DDX11: variants seen among roughly 807,000 people sequenced by gnomAD.
DDX11 encodes ATP-dependent DNA helicase DDX11.
In DDX11, 72 loss-of-function variants were observed where a neutral mutation model predicts 125.2. That is an observed-to-expected ratio of 0.58 (90% CI 0.48 to 0.70). The LOEUF is 0.70. DDX11 is among the 30% of genes least tolerant of loss of function. DDX11 has a pLI of 0.00. For missense variants in DDX11, 883 were observed against 1,165.0 expected (o/e 0.76, Z 3.52); for synonymous variants, 347 against 452.6 (o/e 0.77, Z 2.96).
At position 31,101,073 on chromosome 12, in the gene DDX11, C is replaced by G. The variant is rs764186175; in HGVS notation, c.1995C>G (p.Ser665Arg). ...PDNILPLVIC[S>R]GISNQPLEFT... ...ACATCCTGCCCCTCGTCATCTGCAG[C>G]GGGATCTCCAACCAGCCGCTGGAAT... Residue 665 changes from serine to arginine, a missense_variant, in exon 20 of 27, where the codon AGC (serine) becomes AGG (arginine). Physicochemically the swap from Ser to Arg is moderately radical, Grantham distance 110. This residue lies in a region of DDX11 where 285 missense variants were observed against 346.0 expected (regional missense o/e 0.82). Coordinates refer to ENST00000542838, the MANE Select transcript of DDX11 (RefSeq NM_030653.4). 1.9e-6 allele frequency: 3 copies of G among 1,614,138 alleles called. No homozygotes were observed. The highest frequency in any genetic ancestry group is 2.5e-6 in the Non-Finnish European group (3 of 1,179,994).
chr12:31,077,643 C>T (rs376137064), intron 1 of DDX11, among the ~76,000 whole-genome samples: 17 of 151,962 alleles, frequency 1.1e-4, no homozygotes, highest in South Asian at 2.1e-4. Flanking sequence ...GTCAGGAGAT[C>T]GAGACCATCC....
intron 20 of DDX11, 190 bp downstream of exon 20, chr12:31,101,320 G>T: frequency 1.6e-6 from 1 of 636,896 alleles, no homozygotes; most frequent in Non-Finnish European, 2.8e-6. Context: ...GAGCTTCCCC[G>T]CCCCTCACGC....
chr12:31,084,893 G>T, intron 4 of DDX11, 76 bp from the exon 5 acceptor site: 1 of 1,536,750 alleles, frequency 6.5e-7, no homozygotes, highest in Non-Finnish European at 8.8e-7. Flanking sequence ...GGTGTGCTTT[G>T]TCTCTGGCAT....
At position 31,104,468 on chromosome 12, in the gene DDX11, C is replaced by A. The variant is rs528723285; in HGVS notation, c.*632C>A. 15 of 195,608 alleles carry A rather than the reference C, an allele frequency of 7.7e-5. No homozygotes were observed. In the South Asian group the frequency reaches 1.7e-3, roughly 22 times the overall value. The allele number at this position is 195,608 out of a possible 1,614,324, so 12.1% of individuals were successfully genotyped here. On this transcript the variant is annotated 3_prime_UTR_variant, in exon 27 of 27. Transcript: ENST00000542838. ...AAGTCTATGGCACCTCCCTCCCTCTCAACCACTTGAGCAAACTCCAAGACA... is the reference window on the plus strand; with the variant it reads ...AAGTCTATGGCACCTCCCTCCCTCTAAACCACTTGAGCAAACTCCAAGACA...
chr12:31,103,994 C>T lies in DDX11; in HGVS notation c.*158C>T, dbSNP rs536300063. The T allele has an allele frequency of 5.1e-5, 79 of 1,561,412 alleles. No individual in the cohort carries two copies. In the African/African-American group the frequency reaches 9.0e-4, roughly 18 times the overall value. On this transcript the variant is annotated 3_prime_UTR_variant, in exon 27 of 27. Coordinates refer to ENST00000542838, the MANE Select transcript of DDX11 (RefSeq NM_030653.4). The stretch of plus-strand genomic sequence containing the variant: ...AGTGCTGCCAGGACCCAGGCACAGG[C>T]GTTAGCTCCCGTAGGAGAAAATGGG...
chr12:31,079,454 A>AG (rs1941406084), intron 2 of DDX11, among the ~76,000 whole-genome samples: 1 of 138,068 alleles, frequency 7.2e-6, no homozygotes, highest in Non-Finnish European at 1.5e-5. Flanking sequence ...GGTTCTGGGG[A>AG]GGGGGTCTCT....
At chr12:31,095,577 A>G (rs895642437) in intron 14 of DDX11, among the ~76,000 whole-genome samples, 1 of 152,092 alleles carries the variant, frequency 6.6e-6, no homozygotes, top group Non-Finnish European at 1.5e-5. Flanking sequence ...CATTTGGGTC[A>G]CTGTCACTGC....
chr12:31,088,079 C>G (rs528617984), intron 6 of DDX11, 96 bp downstream of exon 6: 1 of 1,544,512 alleles, frequency 6.5e-7, no homozygotes, highest in Non-Finnish European at 8.8e-7. Flanking sequence ...TACTTCTCAC[C>G]CTCCTCTCCA....
chr12:31,101,708 T>A (rs7952861), intron 20 of DDX11, 125 bp from the exon 21 acceptor site: 627,045 of 1,337,404 alleles, frequency 0.47, 149,326 homozygotes, highest in East Asian at 0.83. Flanking sequence ...CCAAGTCCTC[T>A]TCCTTGGCTG....
rs1467965765 is a variant in DDX11, at chr12:31,099,080, C to CTTTTTTTTTTTTTTTTT, written c.1875+1086_1875+1087insTTTTTTTTTTTTTTTTT. Among the ~76,000 whole-genome samples the CTTTTTTTTTTTTTTTTT allele has an allele frequency of 4.6e-3, 373 of 81,108 alleles. 39 individuals carry two copies. The highest frequency in any genetic ancestry group is 7.7e-3 in the East Asian group (18 of 2,348). The allele number at this position is 81,108 out of a possible 152,430, so 53.2% of individuals were successfully genotyped here. A position where few individuals can be genotyped will look rare whatever the true frequency, so the allele number is the denominator to read the frequency against. On this transcript the variant is annotated intron_variant, in intron 18 of 26. Coordinates refer to ENST00000542838, the MANE Select transcript of DDX11 (RefSeq NM_030653.4). Reference sequence around the variant, plus strand: ...AATCCATACTGGTATTTCTTTCTTTCTTTCTTTTTTTTTTTTTTTTTTTTT... The same window carrying CTTTTTTTTTTTTTTTTT: ...AATCCATACTGGTATTTCTTTCTTTCTTTTTTTTTTTTTTTTTTTTCTTTTTTTTTTTTTTTTTTTTT...
At chr12:31,103,229 G>C in intron 24 of DDX11, 88 bp from the exon 25 acceptor site, 2 of 1,556,018 alleles carry the variant, frequency 1.3e-6, no homozygotes, top group Non-Finnish European at 8.7e-7. Flanking sequence ...GAAGCCTCCT[G>C]GTCTGGCTCC....
At chr12:31,088,980 T>A in intron 6 of DDX11, 64 bp from the exon 7 acceptor site, 1 of 1,348,826 alleles carries the variant, frequency 7.4e-7, no homozygotes, top group Admixed American at 1.7e-5. Context: ...CGTGCCTTGA[T>A]GTTAGAGAAT....
chr12:31,096,650 C>G lies in DDX11; in HGVS notation c.1535C>G (p.Thr512Ser), dbSNP rs759207736. ...CATCCCACCCAGCTCTTTGGATTCA[C>G]TGAACGGTACGGAGCAGTGTTCTCA... The part of the protein sequence containing the change: ...SMISRKLFGF[T>S]ERYGAVFSSR... Residue 512 changes from threonine to serine, a missense_variant, in exon 16 of 27, where the codon ACT (threonine) becomes AGT (serine). Transcript: ENST00000542838. The G allele has an allele frequency of 3.7e-6, 6 of 1,613,530 alleles. No individual in the cohort carries two copies. In the African/African-American group the frequency reaches 6.7e-5, roughly 18 times the overall value.
intron 1 of DDX11, among the ~76,000 whole-genome samples, chr12:31,077,406 C>T (rs550665203): frequency 6.6e-6 from 1 of 152,202 alleles, no homozygotes; most frequent in African/African-American, 2.4e-5. Flanking sequence ...GCCAGAGCCC[C>T]GTGGCTGTGA....
At chr12:31,094,398 C>A in intron 12 of DDX11, 192 bp from the exon 13 acceptor site, 3 of 918,830 alleles carry the variant, frequency 3.3e-6, no homozygotes, top group Non-Finnish European at 5.0e-6. Flanking sequence ...GTGAGTCAGA[C>A]ATGGGAGGCT....
chr12:31,082,530 GT>G (rs1178678279), intron 2 of DDX11, among the ~76,000 whole-genome samples: 1 of 152,106 alleles, frequency 6.6e-6, no homozygotes, highest in Non-Finnish European at 1.5e-5. Flanking sequence ...CATACGAGGT[GT>G]TTCACCCCGC....
At chr12:31,082,316 T>A (rs921480253) in intron 2 of DDX11, among the ~76,000 whole-genome samples, 4 of 151,596 alleles carry the variant, frequency 2.6e-5, no homozygotes, top group African/African-American at 9.7e-5. Flanking sequence ...TTTGGCCTTT[T>A]GTGTGTGTTA....
chr12:31,086,943 T>C (rs1335336008), intron 5 of DDX11, among the ~76,000 whole-genome samples: 2 of 131,904 alleles, frequency 1.5e-5, no homozygotes, highest in Non-Finnish European at 3.1e-5. Context: ...TAATAATTAC[T>C]CTTCTGATAG....
chr12:31,084,848 C>T (rs543015205), intron 4 of DDX11, 121 bp from the exon 5 acceptor site: 6 of 1,321,618 alleles, frequency 4.5e-6, no homozygotes, highest in Admixed American at 3.9e-5. Context: ...CGACCTCTCT[C>T]CAGCCAGGCA....
Sources: allele counts gnomAD v4.1 joint callset (sites outside exome capture counted in the v4.1 genomes callset), GRCh38; gene constraint gnomAD v4.1.1; regional missense constraint gnomAD v4.1.1; transcripts MANE v1.5; gene names NCBI Gene and HGNC (gene_info 2026-07-23, HGNC 2026-07-21).